SELP: variants seen among roughly 807,000 people sequenced by gnomAD.
The protein encoded by SELP is selectin P.
In SELP, 92 loss-of-function variants were observed where a neutral mutation model predicts 104.1. The ratio of observed to expected loss-of-function variants is 0.88; its 90% CI spans 0.75 to 1.05. SELP has a LOEUF of 1.05. SELP is among the 50% of genes least tolerant of loss of function. The pLI is 0.00. For synonymous variants in SELP, 397 were observed against 364.5 expected (o/e 1.09, Z -1.01); for missense variants, 1,022 against 1,017.3 (o/e 1.00, Z -0.06).
intron 1 of SELP, among the ~76,000 whole-genome samples, chr1:169,629,446 G>A (rs1419376433): frequency 6.6e-6 from 1 of 152,162 alleles, no homozygotes; most frequent in Admixed American, 6.5e-5. Flanking sequence ...TGAAACTATA[G>A]AGTATTATTA....
intron 16 of SELP, among the ~76,000 whole-genome samples, chr1:169,589,845 G>A (rs889015226): frequency 6.6e-6 from 1 of 152,154 alleles, no homozygotes; most frequent in African/African-American, 2.4e-5. Context: ...CTTCTGCTTT[G>A]CAGGCAAGGC....
intron 1 of SELP, among the ~76,000 whole-genome samples, 198 bp from the exon 2 acceptor site, chr1:169,619,417 C>T (rs961362606): frequency 3.3e-5 from 5 of 152,208 alleles, no homozygotes; most frequent in Non-Finnish European, 7.3e-5. Context: ...TGTAGCAAGG[C>T]TGGGGACAGA....
intron 1 of SELP, among the ~76,000 whole-genome samples, chr1:169,620,817 G>A (rs1415155869): frequency 7.0e-6 from 1 of 142,446 alleles, no homozygotes; most frequent in Non-Finnish European, 1.5e-5. Context: ...GTGTGTGTGT[G>A]TGTGTGTGTG....
At chr1:169,611,995 A>G (rs1320138355) in intron 6 of SELP, among the ~76,000 whole-genome samples, 2 of 152,166 alleles carry the variant, frequency 1.3e-5, no homozygotes, top group East Asian at 1.9e-4. Context: ...GAAATTATGA[A>G]TGAGGCCATT....
At chr1:169,613,238 G>C in intron 4 of SELP, 124 bp from the exon 5 acceptor site, 1 of 883,512 alleles carries the variant, frequency 1.1e-6, no homozygotes, top group South Asian at 2.1e-5. Context: ...TTTAACCCAA[G>C]CTATCCATCT....
chr1:169,610,605 TG>T (rs1361541570), intron 7 of SELP, among the ~76,000 whole-genome samples: 2 of 152,090 alleles, frequency 1.3e-5, no homozygotes, highest in Admixed American at 6.5e-5. Flanking sequence ...GAGACCAGCC[TG>T]GCCAAAGTGG....
rs370154987 is a variant in SELP at position 169,617,046 on chromosome 1, G to A, written c.463C>T (p.His155Tyr). Residue 155 changes from histidine to tyrosine, a missense_variant, in exon 3 of 17, where the codon CAC becomes TAC. His to Tyr is a moderately conservative substitution (Grantham distance 83). Coordinates refer to ENST00000263686, the MANE Select transcript of SELP (RefSeq NM_003005.4). The part of the protein sequence containing the change: ...WNDEHCLKKK[H>Y]ALCYTASCQD... ...GCCCTACCTGTGTAACACAATGCGT[G>A]CTTTTTCTTCAAGCAGTGCTCATCA... The A allele has an allele frequency of 5.6e-6, 9 of 1,611,464 alleles. No homozygotes were observed. Among genetic ancestry groups the A allele is most frequent in the Non-Finnish European group, 5.1e-6 (6 of 1,178,618 alleles).
In SELP at chr1:169,594,794, T is replaced by C. The variant is rs781336253; in HGVS notation, c.2185A>G (p.Ile729Val). ...CCCTCTAGACAATGGAAAGAGCAGA[T>C]TGATCCATAACTGAAGTTTCCCCAG... is the stretch of plus-strand genomic sequence containing the variant. ...NLWGNFSYGS[I>V]CSFHCLEGQL... Residue 729 changes from isoleucine (I) to valine (V), a missense_variant, in exon 13 of 17, where the codon ATC (isoleucine) becomes GTC (valine). Transcript: ENST00000263686. 5 of 1,613,740 alleles carry C rather than the reference T, an allele frequency of 3.1e-6. No homozygotes were observed. The highest frequency in any genetic ancestry group is 3.3e-5 in the Admixed American group (2 of 59,960).
Position 169,597,158 on chromosome 1 carries a change from A to T in SELP, c.1724T>A (p.Leu575His), listed in dbSNP as rs762441737. 3.8e-6 allele frequency: 6 copies of T among 1,597,850 alleles called. No individual in the cohort carries two copies. The highest frequency in any genetic ancestry group is 5.1e-6 in the Non-Finnish European group (6 of 1,171,412). The part of the protein sequence containing the change: ...PMCEAIKCPE[L>H]FAPEQGSLDC... ...CAGGCTGCCCTGCTCTGGGGCAAAGAGTTCTGGGCACTTGATGGCTAGAGT... is the reference window on the plus strand; with the variant it reads ...CAGGCTGCCCTGCTCTGGGGCAAAGTGTTCTGGGCACTTGATGGCTAGAGT... The change falls in exon 11 of 17, where the codon CTC (leucine) becomes CAC (histidine). Residue 575 changes from leucine (L) to histidine (H), a missense_variant. Transcript: ENST00000263686.
chr1:169,610,096 A>C (rs1662437417), intron 7 of SELP, among the ~76,000 whole-genome samples: 2 of 152,094 alleles, frequency 1.3e-5, no homozygotes, highest in Admixed American at 1.3e-4. Context: ...TGTTTTGTAC[A>C]TTGAAAGTGC....
At chr1:169,591,564 C>T in intron 14 of SELP, 108 bp from the exon 15 acceptor site, 1 of 667,996 alleles carries the variant, frequency 1.5e-6, no homozygotes, top group Non-Finnish European at 2.5e-6. Context: ...GACTGATTTT[C>T]AGGAGGGCTC....
At chr1:169,610,170 G>T (rs1662442473) in intron 7 of SELP, among the ~76,000 whole-genome samples, 1 of 148,008 alleles carries the variant, frequency 6.8e-6, no homozygotes, top group Non-Finnish European at 1.5e-5. Flanking sequence ...GAAAATGCTG[G>T]ACTTATAGGG....
chr1:169,610,799 CAAACAAACA>C (rs1662487324), intron 7 of SELP, among the ~76,000 whole-genome samples: 1 of 151,922 alleles, frequency 6.6e-6, no homozygotes, highest in African/African-American at 2.4e-5. Context: ...AACAAACAAA[CAAACAAACA>C]AACAAACAAA....
At chr1:169,627,613 T>C (rs1335335137) in intron 1 of SELP, among the ~76,000 whole-genome samples, 1 of 152,218 alleles carries the variant, frequency 6.6e-6, no homozygotes, top group East Asian at 1.9e-4. Context: ...AAAACCACTG[T>C]GTGCCTACTC....
intron 8 of SELP, 124 bp downstream of exon 8, chr1:169,609,380 G>A: frequency 1.1e-6 from 1 of 936,516 alleles, no homozygotes; most frequent in Non-Finnish European, 1.6e-6. Flanking sequence ...AAGCACAAAG[G>A]ACATGGCCCA....
intron 12 of SELP, among the ~76,000 whole-genome samples, chr1:169,595,420 A>T (rs966232169): frequency 2.6e-5 from 4 of 152,214 alleles, no homozygotes; most frequent in Non-Finnish European, 2.9e-5. Flanking sequence ...GTTATTTATC[A>T]GTAGTGACAT....
intron 10 of SELP, among the ~76,000 whole-genome samples, chr1:169,601,781 T>C (rs3917777): frequency 0.33 from 50,401 of 152,040 alleles, 10,893 homozygotes; most frequent in East Asian, 0.95. Flanking sequence ...AAAGCCTCAG[T>C]TTCTTCACCT....
rs182360575 is a variant in SELP, at chr1:169,599,668, T to C, written c.1706-2492A>G. ...AAGAAGATATAGTATGAATAATAAA[T>C]GTATCTGAGTTGAATATTGTAAACT... is the stretch of plus-strand genomic sequence containing the variant. On this transcript the variant is annotated intron_variant, in intron 10 of 16. Coordinates refer to ENST00000263686, the MANE Select transcript of SELP (RefSeq NM_003005.4). Among the ~76,000 whole-genome samples the C allele has an allele frequency of 3.9e-5, 6 of 152,320 alleles. No individual in the cohort carries two copies. The East Asian group carries it at 1.2e-3, about 29-fold the overall frequency.
intron 2 of SELP, among the ~76,000 whole-genome samples, 171 bp downstream of exon 2, chr1:169,618,958 C>T (rs1268375881): frequency 1.3e-5 from 2 of 152,306 alleles, no homozygotes; most frequent in South Asian, 2.1e-4. Flanking sequence ...CTTTCCTATG[C>T]CCTTTCTACC....
Sources: gnomAD v4.1 joint callset for allele counts (sites outside exome capture counted in the v4.1 genomes callset) on GRCh38, gnomAD v4.1.1 for gene constraint, MANE v1.5 for transcripts, NCBI Gene and HGNC (gene_info 2026-07-23, HGNC 2026-07-21) for gene names.